The following SMOC1 variants were observed in gnomAD, a reference collection of about 807,000 sequenced individuals.
The protein encoded by SMOC1 is SPARC related modular calcium binding 1, also known as SPARC-related modular calcium-binding protein 1.
In SMOC1, 22 loss-of-function variants were observed where a neutral mutation model predicts 56.3. The observed-to-expected ratio is 0.39, with a 90% CI of 0.28 to 0.56. The LOEUF is 0.56. Among genes scored for constraint, SMOC1 ranks in the 20% least tolerant of loss-of-function variants. The pLI, the probability that SMOC1 is intolerant of heterozygous loss-of-function variation, is 0.61. For synonymous variants in SMOC1, 193 were observed against 215.0 expected (o/e 0.90, Z 0.89); for missense variants, 509 against 565.4 (o/e 0.90, Z 1.01).
chr14:69,911,464 C>A (rs1272773520), intron 1 of SMOC1, among the ~76,000 whole-genome samples: 2 of 152,236 alleles, frequency 1.3e-5, no homozygotes, highest in Non-Finnish European at 2.9e-5. Flanking sequence ...AGACACAGAG[C>A]AGTTCCATCC....
chr14:69,888,525 G>A (rs1158748965), intron 1 of SMOC1, among the ~76,000 whole-genome samples: 1 of 152,176 alleles, frequency 6.6e-6, no homozygotes, highest in Non-Finnish European at 1.5e-5. Context: ...GGGAGCACTG[G>A]GACTGAGCAA....
intron 7 of SMOC1, among the ~76,000 whole-genome samples, chr14:69,995,858 T>G (rs1157764085): frequency 2.6e-5 from 4 of 152,202 alleles, no homozygotes; most frequent in African/African-American, 9.6e-5. Flanking sequence ...ATTGTCACCT[T>G]AAGCAAAGGC....
chr14:69,960,409 G>A (rs1269472353), intron 3 of SMOC1, among the ~76,000 whole-genome samples: 1 of 152,110 alleles, frequency 6.6e-6, no homozygotes, highest in Non-Finnish European at 1.5e-5. Context: ...TGGGCTCTGT[G>A]TGTGTTTAGT....
chr14:69,955,809 T>C (rs1378401783), intron 3 of SMOC1, among the ~76,000 whole-genome samples: 2 of 152,328 alleles, frequency 1.3e-5, no homozygotes, highest in East Asian at 3.9e-4. Context: ...TCTTTGTATA[T>C]ATTTAAAACT....
At chr14:69,929,749 G>A (rs971824401) in intron 1 of SMOC1, among the ~76,000 whole-genome samples, 2 of 152,196 alleles carry the variant, frequency 1.3e-5, no homozygotes, top group Non-Finnish European at 2.9e-5. Flanking sequence ...GAGCTTCTTG[G>A]TTCTGGATTA....
chr14:69,903,444 C>T (rs1430293449), intron 1 of SMOC1, among the ~76,000 whole-genome samples: 1 of 151,824 alleles, frequency 6.6e-6, no homozygotes, highest in African/African-American at 2.4e-5. Flanking sequence ...ATGACGATGG[C>T]GGTTTTGTCG....
intron 11 of SMOC1, 131 bp from the exon 12 acceptor site, chr14:70,030,111 T>C (rs1263162680): frequency 7.3e-6 from 10 of 1,362,170 alleles, no homozygotes. Context: ...GGACAGCAGG[T>C]GGAAAAGGCT....
intron 3 of SMOC1, among the ~76,000 whole-genome samples, chr14:69,962,588 T>G (rs1056972459): frequency 2.0e-5 from 3 of 151,162 alleles, no homozygotes; most frequent in Admixed American, 1.3e-4. Context: ...TTCTTTTCTT[T>G]TTTTTTGAGA....
At chr14:69,946,946 G>A (rs932087734) in intron 1 of SMOC1, among the ~76,000 whole-genome samples, 3 of 152,118 alleles carry the variant, frequency 2.0e-5, no homozygotes, top group African/African-American at 7.2e-5. Flanking sequence ...GCAAGCTCCT[G>A]CTTCACCTTC....
chr14:69,965,143 C>T (rs1429838993), intron 3 of SMOC1, among the ~76,000 whole-genome samples: 1 of 151,970 alleles, frequency 6.6e-6, no homozygotes, highest in South Asian at 2.1e-4. Flanking sequence ...TTTGGGAGGC[C>T]GAGGTGGGTG....
chr14:69,883,771 C>T (rs1459054333), intron 1 of SMOC1, among the ~76,000 whole-genome samples: 2 of 152,058 alleles, frequency 1.3e-5, no homozygotes, highest in Non-Finnish European at 2.9e-5. Flanking sequence ...CCCTTTTCTC[C>T]ATATCCTTAC....
intron 7 of SMOC1, among the ~76,000 whole-genome samples, 169 bp from the exon 8 acceptor site, chr14:70,010,585 A>G (rs1384114676): frequency 1.3e-5 from 2 of 152,190 alleles, no homozygotes; most frequent in African/African-American, 4.8e-5. Flanking sequence ...GCCCCTCAGC[A>G]TGCGCTGGCA....
chr14:69,959,259 C>T (rs890427114), intron 3 of SMOC1, among the ~76,000 whole-genome samples: 10 of 152,116 alleles, frequency 6.6e-5, no homozygotes, highest in Non-Finnish European at 1.2e-4. Context: ...GAATGTATCA[C>T]GAATCCTAAA....
At chr14:69,939,453 T>A (rs772606990) in intron 1 of SMOC1, among the ~76,000 whole-genome samples, 65 of 152,234 alleles carry the variant, frequency 4.3e-4, no homozygotes, top group Admixed American at 7.2e-4. Flanking sequence ...GAGCTACAAG[T>A]CAAGATGAGA....
chr14:69,980,677 G>T (rs1399927016), intron 5 of SMOC1, among the ~76,000 whole-genome samples: 1 of 152,190 alleles, frequency 6.6e-6, no homozygotes, highest in East Asian at 1.9e-4. Context: ...AATGTGCTCT[G>T]GAAGGCAGCA....
Position 69,879,788 on chromosome 14 carries a change from C to G in SMOC1, c.99+11C>G. 6.3e-7 allele frequency: 1 copy of G among 1,579,386 alleles called. No homozygotes were observed. Among genetic ancestry groups the G allele is most frequent in the South Asian group, 1.1e-5 (1 of 87,518 alleles). ...ACCACAGGCCCCAGGGTAAGTGCGC[C>G]CCCAGCTTTGCGCCCACCTGCGGAG... On this transcript the variant is annotated intron_variant, in intron 1 of 11. Transcript: ENST00000361956.
At chr14:69,955,215 C>G (rs1247890098) in intron 3 of SMOC1, among the ~76,000 whole-genome samples, 2 of 152,142 alleles carry the variant, frequency 1.3e-5, no homozygotes, top group African/African-American at 4.8e-5. Flanking sequence ...AGAAGCCCTC[C>G]ATACTCTGTT....
chr14:69,890,624 T>C (rs1883934841), intron 1 of SMOC1, among the ~76,000 whole-genome samples: 1 of 152,194 alleles, frequency 6.6e-6, no homozygotes, highest in Non-Finnish European at 1.5e-5. Flanking sequence ...AGTCTACATC[T>C]GACACAATTG....
chr14:69,956,532 C>T (rs543376091), intron 3 of SMOC1, among the ~76,000 whole-genome samples: 3 of 150,716 alleles, frequency 2.0e-5, no homozygotes, highest in Admixed American at 1.3e-4. Flanking sequence ...TTGATATGCA[C>T]GCATCCCGGT....
Sources: allele counts gnomAD v4.1 joint callset (sites outside exome capture counted in the v4.1 genomes callset), GRCh38; gene constraint gnomAD v4.1.1; transcripts MANE v1.5; gene names NCBI Gene and HGNC (gene_info 2026-07-23, HGNC 2026-07-21).